Variants in FMNL2 observed in about 807,000 individuals in gnomAD.
The protein encoded by FMNL2 is formin like 2, also known as formin-like protein 2.
Under a neutral mutation model 130.2 loss-of-function variants are expected in FMNL2, and 51 were observed. The ratio of observed to expected loss-of-function variants is 0.39; its 90% confidence interval spans 0.31 to 0.49. The LOEUF (loss-of-function observed/expected upper bound fraction) is 0.49, where lower values mean the gene tolerates loss of function less well. Among genes scored for constraint, FMNL2 ranks in the 20% least tolerant of loss-of-function variants. The probability of loss-of-function intolerance (pLI) is 0.85; values close to 1 mark genes in which losing one functional copy is unlikely to be tolerated. For missense variants in FMNL2, 977 were observed against 1,316.2 expected, an observed-to-expected ratio of 0.74 and a Z score of 3.99; for synonymous variants, 465 against 467.1, an observed-to-expected ratio of 1.00 and a Z score of 0.06.
At chr2:152,576,276 C>T (rs759541201) in intron 7 of FMNL2, among the ~76,000 whole-genome samples, 1 of 152,162 alleles carries the variant, frequency 6.6e-6, no homozygotes, top group South Asian at 2.1e-4. Flanking sequence ...CAGACGGCCC[C>T]TGTTCCACAT....
chr2:152,420,271 T>C (rs889747250), intron 1 of FMNL2, among the ~76,000 whole-genome samples: 1 of 152,216 alleles, frequency 6.6e-6, no homozygotes, highest in Non-Finnish European at 1.5e-5. Context: ...TTTCAGAATA[T>C]ACAGAGAATG....
intron 9 of FMNL2, among the ~76,000 whole-genome samples, chr2:152,606,917 T>G (rs1698388783): frequency 6.6e-6 from 1 of 151,856 alleles, no homozygotes; most frequent in African/African-American, 2.4e-5. Context: ...ACATTTTAAA[T>G]GTGCCTTTTA....
chr2:152,455,739 G>C (rs1314557601), intron 1 of FMNL2, among the ~76,000 whole-genome samples: 2 of 152,092 alleles, frequency 1.3e-5, no homozygotes, highest in African/African-American at 4.8e-5. Context: ...TTTTGAGAAT[G>C]AGCCTTGTTC....
At chr2:152,555,621 G>A (rs1010051208) in intron 4 of FMNL2, among the ~76,000 whole-genome samples, 3 of 152,170 alleles carry the variant, frequency 2.0e-5, no homozygotes, top group Non-Finnish European at 4.4e-5. Flanking sequence ...TCTCTTCCTT[G>A]CACCCAATTT....
chr2:152,567,608 A>G (rs1695926827), intron 6 of FMNL2, among the ~76,000 whole-genome samples: 1 of 152,102 alleles, frequency 6.6e-6, no homozygotes, highest in South Asian at 2.1e-4. Context: ...TGCCCAAGTG[A>G]TGTCATGTCT....
At chr2:152,447,107 T>A (rs1314274728) in intron 1 of FMNL2, among the ~76,000 whole-genome samples, 2 of 152,148 alleles carry the variant, frequency 1.3e-5, no homozygotes, top group Non-Finnish European at 2.9e-5. Context: ...CTCACTTTTT[T>A]TTTTTTTGGA....
chr2:152,576,943 G>A (rs893996269), intron 7 of FMNL2, among the ~76,000 whole-genome samples: 7 of 152,158 alleles, frequency 4.6e-5, no homozygotes, highest in South Asian at 2.1e-4. Context: ...TTTAGAGGCC[G>A]CTGAGAGGAC....
At chr2:152,607,854 G>A (rs915912852) in intron 10 of FMNL2, among the ~76,000 whole-genome samples, 1 of 152,060 alleles carries the variant, frequency 6.6e-6, no homozygotes, top group Non-Finnish European at 1.5e-5. Flanking sequence ...TTGACTGTAT[G>A]TATCTCCAAA....
intron 1 of FMNL2, among the ~76,000 whole-genome samples, chr2:152,474,159 G>A (rs1690014639): frequency 6.6e-6 from 1 of 152,134 alleles, no homozygotes; most frequent in Admixed American, 6.5e-5. Flanking sequence ...TTAAGGGCAT[G>A]AGCCACTGCA....
intron 15 of FMNL2, among the ~76,000 whole-genome samples, chr2:152,624,101 CTCCCT>C: frequency 1.1e-5 from 1 of 87,542 alleles, no homozygotes; most frequent in Non-Finnish European, 2.2e-5. Flanking sequence ...CTCCCCTCCC[CTCCCT>C]TCCCTTCCCT....
chr2:152,431,964 T>TAAAAAAAAAAAA (rs1332535927), intron 1 of FMNL2, among the ~76,000 whole-genome samples: 2 of 45,098 alleles, frequency 4.4e-5, no homozygotes, highest in Non-Finnish European at 7.0e-5. Flanking sequence ...AACCCTATCT[T>TAAAAAAAAAAAA]TAAAAAAAAA....
chr2:152,571,463 C>T (rs1460803931), intron 6 of FMNL2, among the ~76,000 whole-genome samples: 2 of 152,154 alleles, frequency 1.3e-5, no homozygotes, highest in Admixed American at 6.5e-5. Flanking sequence ...GGACACTCTC[C>T]AATTTGGTTC....
At chr2:152,349,972 G>A (rs1186453304) in intron 1 of FMNL2, among the ~76,000 whole-genome samples, 2 of 152,184 alleles carry the variant, frequency 1.3e-5, no homozygotes, top group Admixed American at 6.5e-5. Context: ...AGGTGGGATC[G>A]ATTGAACGTC....
chr2:152,644,220 C>CA (rs545013862), intron 25 of FMNL2, among the ~76,000 whole-genome samples: 1 of 151,858 alleles, frequency 6.6e-6, no homozygotes, highest in Non-Finnish European at 1.5e-5. Flanking sequence ...GACCCTGTCT[C>CA]AAAAAAACAA....
intron 1 of FMNL2, among the ~76,000 whole-genome samples, chr2:152,493,649 A>C (rs1014686367): frequency 3.9e-5 from 6 of 152,140 alleles, no homozygotes; most frequent in African/African-American, 1.4e-4. Flanking sequence ...TATGTTTGTT[A>C]AAAGAGCCTG....
chr2:152,572,950 G>C (rs1266032638), intron 6 of FMNL2, among the ~76,000 whole-genome samples: 3 of 152,094 alleles, frequency 2.0e-5, no homozygotes, highest in Non-Finnish European at 2.9e-5. Flanking sequence ...CTAAAATCTA[G>C]TCTTGTATGT....
At chr2:152,340,488 C>G (rs1432892020) in intron 1 of FMNL2, among the ~76,000 whole-genome samples, 1 of 152,130 alleles carries the variant, frequency 6.6e-6, no homozygotes, top group Non-Finnish European at 1.5e-5. Flanking sequence ...CTTCACTGTG[C>G]TCTTCTATTT....
intron 1 of FMNL2, among the ~76,000 whole-genome samples, chr2:152,512,921 A>T (rs891704085): frequency 1.3e-5 from 2 of 152,200 alleles, no homozygotes; most frequent in Admixed American, 1.3e-4. Context: ...TACATGCGTT[A>T]TCTGATTTGA....
At chr2:152,412,154 T>C (rs185187470) in intron 1 of FMNL2, among the ~76,000 whole-genome samples, 11 of 152,184 alleles carry the variant, frequency 7.2e-5, no homozygotes, top group Admixed American at 7.2e-4. Context: ...CTGACCTGTA[T>C]AAATGAGACT....
Sources: allele counts gnomAD v4.1 joint callset (sites outside exome capture counted in the v4.1 genomes callset), GRCh38; gene constraint gnomAD v4.1.1; transcripts MANE v1.5; gene names NCBI Gene and HGNC (gene_info 2026-07-23, HGNC 2026-07-21).